ERAP1: variants seen among roughly 807,000 people sequenced by gnomAD.
The protein encoded by ERAP1 is adipocyte-derived leucine aminopeptidase.
A neutral mutation model predicts 103.7 loss-of-function variants in ERAP1; 86 were observed. The observed-to-expected ratio is 0.83, with a 90% CI of 0.70 to 0.99. The LOEUF (loss-of-function observed/expected upper bound fraction) is 0.99, where lower values mean the gene tolerates loss of function less well. Among genes scored for constraint, ERAP1 ranks in the 50% least tolerant of loss-of-function variants. The probability of loss-of-function intolerance (pLI) is 0.00; values close to 1 mark genes in which losing one functional copy is unlikely to be tolerated. For missense variants in ERAP1, 1,009 were observed against 1,128.4 expected (o/e 0.89, Z 1.52); for synonymous variants, 398 against 402.4 (o/e 0.99, Z 0.13).
At chr5:96,915,135 G>A in the ERAP1 span, among the ~76,000 whole-genome samples, 1 of 152,044 alleles carries the variant, frequency 6.6e-6, no homozygotes, top group Admixed American at 6.5e-5. Context: ...AGCCTCCTGA[G>A]TAGCTGGGAT....
At chr5:96,799,562 C>T (rs911373137) in intron 3 of ERAP1, among the ~76,000 whole-genome samples, 3 of 152,300 alleles carry the variant, frequency 2.0e-5, no homozygotes, top group Non-Finnish European at 2.9e-5. Flanking sequence ...TTCTGAAAGC[C>T]TACAAATTTC....
chr5:96,856,135 G>A, the ERAP1 span, among the ~76,000 whole-genome samples: 5 of 150,830 alleles, frequency 3.3e-5, no homozygotes, highest in African/African-American at 4.9e-5. Context: ...CCTGGCTAAC[G>A]TGGTGAAACC....
chr5:96,836,176 G>GTTTTTTTTTTTTTTTTTTTTTGTTT, the ERAP1 span, among the ~76,000 whole-genome samples: 1 of 106,682 alleles, frequency 9.4e-6, no homozygotes, highest in African/African-American at 3.6e-5. Flanking sequence ...CACCTCTTTG[G>GTTTTTTTTTTTTTTTTTTTTTGTTT]TTTTTTTTTT....
upstream of ERAP1, among the ~76,000 whole-genome samples, chr5:96,809,394 T>C (rs535579900): frequency 6.6e-6 from 1 of 152,336 alleles, no homozygotes; most frequent in South Asian, 2.1e-4. Context: ...ATGGTCCTAG[T>C]GGGAACAGGA....
the ERAP1 span, among the ~76,000 whole-genome samples, chr5:96,852,647 A>AT: frequency 6.6e-5 from 10 of 152,188 alleles, no homozygotes; most frequent in Non-Finnish European, 1.2e-4. Flanking sequence ...AAAGAACAAG[A>AT]TTTTAGATGC....
At chr5:96,930,145 C>T in the ERAP1 span, among the ~76,000 whole-genome samples, 49 of 152,262 alleles carry the variant, frequency 3.2e-4, no homozygotes, top group African/African-American at 1.1e-3. Flanking sequence ...AAGGGCTAAA[C>T]GGAAACCAGC....
the ERAP1 span, chr5:96,892,442 C>T: frequency 4.0e-5 from 65 of 1,613,960 alleles, no homozygotes; most frequent in African/African-American, 8.3e-4. Flanking sequence ...AGCCCATGAA[C>T]TGGCGCACCA....
the ERAP1 span, among the ~76,000 whole-genome samples, chr5:96,822,018 T>C: frequency 6.6e-6 from 1 of 152,224 alleles, no homozygotes; most frequent in Non-Finnish European, 1.5e-5. Flanking sequence ...CCAAGTGTGA[T>C]TATTGTCTTG....
At chr5:96,834,784 A>G in the ERAP1 span, among the ~76,000 whole-genome samples, 1 of 152,250 alleles carries the variant, frequency 6.6e-6, no homozygotes, top group African/African-American at 2.4e-5. Context: ...TGTTATTACT[A>G]AATCATAATT....
chr5:96,817,944 T>C, the ERAP1 span, among the ~76,000 whole-genome samples: 2 of 152,204 alleles, frequency 1.3e-5, no homozygotes, highest in East Asian at 3.9e-4. Context: ...GTGTGAGAAA[T>C]TCTGAAAAGC....
the ERAP1 span, chr5:96,917,571 C>T: frequency 4.9e-5 from 79 of 1,613,388 alleles, no homozygotes; most frequent in Middle Eastern, 3.3e-4. Flanking sequence ...AAGAATCTTC[C>T]GACTCTGAGG....
chr5:96,823,356 G>A, the ERAP1 span, among the ~76,000 whole-genome samples: 2 of 152,194 alleles, frequency 1.3e-5, no homozygotes, highest in African/African-American at 2.4e-5. Flanking sequence ...AAAAATATTT[G>A]ATGGCATTTC....
At chr5:96,782,517 G>T (rs1200982097) in intron 15 of ERAP1, among the ~76,000 whole-genome samples, 1 of 152,142 alleles carries the variant, frequency 6.6e-6, no homozygotes, top group African/African-American at 2.4e-5. Flanking sequence ...AAGTCAGGAC[G>T]GCAGTAGGAC....
At position 96,767,873 on chromosome 5, in the gene ERAP1, T is replaced by G. The variant is rs373448789; in HGVS notation, c.2819-4645A>C. ...CCCATATTGCATTTTGCCTTCTGCTTCTTCACTGATGGTTATTTCTACTCA... is the reference window on the plus strand; with the variant it reads ...CCCATATTGCATTTTGCCTTCTGCTGCTTCACTGATGGTTATTTCTACTCA... On this transcript the variant is annotated intron_variant, in intron 19 of 19. Coordinates refer to the ERAP1 transcript ENST00000296754. The G allele has an allele frequency of 5.6e-6, 8 of 1,428,464 alleles. No individual in the cohort carries two copies. The African/African-American group carries it at 8.4e-5, about 15-fold the overall frequency. The allele number at this position is 1,428,464 out of a possible 1,614,324, so 88.5% of individuals were successfully genotyped here.
the ERAP1 span, chr5:96,900,340 A>G: frequency 2.4e-6 from 3 of 1,271,226 alleles, no homozygotes; most frequent in Non-Finnish European, 3.1e-6. Context: ...ACTGAAGGGG[A>G]AATGCTTGGG....
At chr5:96,913,147 T>C in the ERAP1 span, among the ~76,000 whole-genome samples, 5 of 152,186 alleles carry the variant, frequency 3.3e-5, no homozygotes, top group African/African-American at 1.2e-4. Flanking sequence ...AGGAACAAAA[T>C]AAAAATTATT....
At chr5:96,807,486 G>A (rs974652870) in intron 1 of ERAP1, among the ~76,000 whole-genome samples, 2 of 152,206 alleles carry the variant, frequency 1.3e-5, no homozygotes, top group African/African-American at 4.8e-5. Flanking sequence ...GGCGCCAGGC[G>A]GAGCGCTGAG....
At chr5:96,778,813 C>G (rs115110373) in intron 18 of ERAP1, among the ~76,000 whole-genome samples, 2 of 152,218 alleles carry the variant, frequency 1.3e-5, no homozygotes, top group South Asian at 4.1e-4. Context: ...GAGAGAAGTG[C>G]GCAAGATCCA....
At chr5:96,932,804 C>G in the ERAP1 span, among the ~76,000 whole-genome samples, 2 of 151,870 alleles carry the variant, frequency 1.3e-5, no homozygotes, top group Non-Finnish European at 2.9e-5. Context: ...TATTTTTTTC[C>G]TGTCATGCTA....
Sources: allele counts gnomAD v4.1 joint callset (sites outside exome capture counted in the v4.1 genomes callset), GRCh38; gene constraint gnomAD v4.1.1; transcripts MANE v1.5; gene names NCBI Gene and HGNC (gene_info 2026-07-23, HGNC 2026-07-21).